Variants in CSMD1 observed in about 807,000 individuals in gnomAD.
CSMD1 encodes CUB and sushi domain-containing protein 1.
CSMD1 carries 213 observed loss-of-function variants against 417.5 expected under a neutral mutation model. The ratio of observed to expected loss-of-function variants is 0.51; its 90% CI spans 0.46 to 0.57. The LOEUF (loss-of-function observed/expected upper bound fraction) is 0.57. Among genes scored for constraint, CSMD1 ranks in the 20% least tolerant of loss-of-function variants. The pLI, the probability that CSMD1 is intolerant of heterozygous loss-of-function variation, is 0.00. For synonymous variants in CSMD1, 2,862 were observed against 1,736.8 expected, an observed-to-expected ratio of 1.65 and a Z score of -16.11; for missense variants, 6,923 against 4,529.7, an observed-to-expected ratio of 1.53 and a Z score of -15.17.
chr8:3,668,720 G>A (rs1798832269), intron 7 of CSMD1, among the ~76,000 whole-genome samples: 1 of 152,132 alleles, frequency 6.6e-6, no homozygotes, highest in African/African-American at 2.4e-5. Flanking sequence ...TGGATGAGTT[G>A]GGAGCTCAGG....
intron 2 of CSMD1, among the ~76,000 whole-genome samples, chr8:4,625,296 G>T (rs1002173925): frequency 6.6e-6 from 1 of 152,080 alleles, no homozygotes; most frequent in Admixed American, 6.6e-5. Flanking sequence ...GCTGAAAAGA[G>T]TGATGGAAGT....
intron 23 of CSMD1, among the ~76,000 whole-genome samples, 159 bp downstream of exon 23, chr8:3,343,135 C>T (rs958258421): frequency 1.3e-5 from 2 of 151,800 alleles, no homozygotes; most frequent in African/African-American, 4.8e-5. Flanking sequence ...GTAATGTGTC[C>T]GAATATACAA....
chr8:4,326,724 G>C (rs559315453), intron 3 of CSMD1, among the ~76,000 whole-genome samples: 88 of 152,118 alleles, frequency 5.8e-4, no homozygotes, highest in Non-Finnish European at 1.1e-3. Context: ...AACACCAAAT[G>C]GGGACTTGAT....
chr8:4,156,941 T>C (rs555066576), intron 3 of CSMD1, among the ~76,000 whole-genome samples: 5 of 152,174 alleles, frequency 3.3e-5, no homozygotes, highest in African/African-American at 4.8e-5. Flanking sequence ...CGAAACTTTA[T>C]CTATCCAACC....
chr8:4,151,643 G>C lies in CSMD1; in HGVS notation c.416-119544C>G, dbSNP rs538760991. On this transcript the variant is annotated intron_variant, in intron 3 of 69. Transcript: ENST00000635120. Reference sequence around the variant, plus strand: ...AGTTTCACTTTGTTATCAAGAATCTGTGGCATCATTATTATTATGTCAACA... The same window carrying C: ...AGTTTCACTTTGTTATCAAGAATCTCTGGCATCATTATTATTATGTCAACA... Among the ~76,000 whole-genome samples, 13 of 152,218 alleles carry C rather than the reference G, an allele frequency of 8.5e-5. No individual in the cohort carries two copies. In the South Asian group the frequency reaches 2.7e-3, roughly 32 times the overall value.
chr8:4,945,006 T>A (rs1385528913), intron 1 of CSMD1, among the ~76,000 whole-genome samples: 1 of 152,158 alleles, frequency 6.6e-6, no homozygotes, highest in Non-Finnish European at 1.5e-5. Context: ...CCAACCCGTG[T>A]CCCTTGGCAG....
At chr8:4,455,355 C>G (rs1173556939) in intron 2 of CSMD1, among the ~76,000 whole-genome samples, 5 of 152,136 alleles carry the variant, frequency 3.3e-5, no homozygotes, top group Admixed American at 6.5e-5. Flanking sequence ...TAAGTGACAC[C>G]CAGAAGCTGG....
chr8:3,258,788 A>G (rs1045156782), intron 26 of CSMD1, among the ~76,000 whole-genome samples: 3 of 152,236 alleles, frequency 2.0e-5, no homozygotes, highest in Admixed American at 1.3e-4. Flanking sequence ...CATGTCCTTT[A>G]CAGGAACATG....
chr8:3,337,452 C>T (rs368890922), intron 23 of CSMD1, among the ~76,000 whole-genome samples: 16 of 152,214 alleles, frequency 1.1e-4, no homozygotes, highest in Non-Finnish European at 1.3e-4. Context: ...TTTAAGCTTG[C>T]GTTTATTTTG....
At chr8:4,956,157 T>C (rs1297077480) in intron 1 of CSMD1, among the ~76,000 whole-genome samples, 3 of 152,160 alleles carry the variant, frequency 2.0e-5, no homozygotes, top group African/African-American at 4.8e-5. Flanking sequence ...GTTATCATTT[T>C]TCTAGAGTTG....
chr8:4,028,176 G>C (rs1181070661), intron 4 of CSMD1, among the ~76,000 whole-genome samples: 1 of 152,154 alleles, frequency 6.6e-6, no homozygotes, highest in Non-Finnish European at 1.5e-5. Flanking sequence ...GGCATCTAGA[G>C]TAGGAACTAG....
At chr8:3,612,253 A>C (rs1231517698) in intron 8 of CSMD1, among the ~76,000 whole-genome samples, 1 of 144,782 alleles carries the variant, frequency 6.9e-6, no homozygotes, top group Admixed American at 6.9e-5. Context: ...ACAAAAATAC[A>C]CAGCAATTTT....
chr8:3,103,510 A>G (rs570026092), intron 46 of CSMD1, among the ~76,000 whole-genome samples: 9 of 151,984 alleles, frequency 5.9e-5, no homozygotes, highest in Admixed American at 1.3e-4. Flanking sequence ...TCATCTCAAC[A>G]TTGAAAAGGT....
chr8:4,074,879 C>G (rs1210653909), intron 3 of CSMD1, among the ~76,000 whole-genome samples: 1 of 152,080 alleles, frequency 6.6e-6, no homozygotes, highest in Non-Finnish European at 1.5e-5. Flanking sequence ...GCACACTCCT[C>G]TTAAACTTCC....
chr8:3,419,661 A>G (rs1179002077), intron 12 of CSMD1, among the ~76,000 whole-genome samples: 1 of 152,206 alleles, frequency 6.6e-6, no homozygotes, highest in Admixed American at 6.5e-5. Context: ...AATAGGAAAA[A>G]AAAAGTGGAG....
chr8:4,345,063 G>A (rs1800702571), intron 3 of CSMD1, among the ~76,000 whole-genome samples: 1 of 152,112 alleles, frequency 6.6e-6, no homozygotes, highest in African/African-American at 2.4e-5. Context: ...GATTAAGTCA[G>A]TCTGTGGTTG....
intron 1 of CSMD1, among the ~76,000 whole-genome samples, chr8:4,883,757 G>A (rs760096696): frequency 6.6e-6 from 1 of 151,762 alleles, no homozygotes; most frequent in Non-Finnish European, 1.5e-5. Flanking sequence ...TTCACATTTT[G>A]GTTATTATCA....
intron 3 of CSMD1, among the ~76,000 whole-genome samples, chr8:4,377,735 G>A (rs1352005589): frequency 2.0e-5 from 3 of 152,068 alleles, no homozygotes; most frequent in East Asian, 1.9e-4. Flanking sequence ...TTCTTACTCT[G>A]CCCATAACAA....
At chr8:3,554,628 G>A (rs774470867) in intron 10 of CSMD1, among the ~76,000 whole-genome samples, 3 of 152,316 alleles carry the variant, frequency 2.0e-5, no homozygotes, top group East Asian at 1.9e-4. Flanking sequence ...TGAGCAGGTG[G>A]GAGAAATAGC....
Sources: gnomAD v4.1 joint callset for allele counts (sites outside exome capture counted in the v4.1 genomes callset) on GRCh38, gnomAD v4.1.1 for gene constraint, MANE v1.5 for transcripts, NCBI Gene and HGNC (gene_info 2026-07-23, HGNC 2026-07-21) for gene names.